UBE2E3: variants seen among roughly 807,000 people sequenced by gnomAD.
UBE2E3 encodes ubiquitin conjugating enzyme E2 E3.
Under a neutral mutation model 23.6 loss-of-function variants are expected in UBE2E3, and 5 were observed. The ratio of observed to expected loss-of-function variants is 0.21; its 90% CI spans 0.11 to 0.44. The LOEUF is 0.44. Among genes scored for constraint, UBE2E3 ranks in the 20% least tolerant of loss-of-function variants. The pLI, the probability that UBE2E3 is intolerant of heterozygous loss-of-function variation, is 0.99. For missense variants in UBE2E3, 81 were observed against 249.8 expected, an observed-to-expected ratio of 0.32 and a Z score of 4.55; for synonymous variants, 78 against 87.5, an observed-to-expected ratio of 0.89 and a Z score of 0.60.
chr2:181,019,074 G>A (rs1050618009), intron 3 of UBE2E3, among the ~76,000 whole-genome samples: 16 of 151,968 alleles, frequency 1.1e-4, no homozygotes, highest in Non-Finnish European at 1.5e-5. Context: ...AGCGATTCTC[G>A]TGCCTCAGTC....
intron 3 of UBE2E3, among the ~76,000 whole-genome samples, chr2:180,989,580 T>G (rs894338516): frequency 1.3e-5 from 2 of 152,162 alleles, no homozygotes; most frequent in Non-Finnish European, 2.9e-5. Flanking sequence ...CCTCCATACG[T>G]GCCAGTGTAG....
At chr2:181,062,266 T>C (rs1687180338) in intron 5 of UBE2E3, among the ~76,000 whole-genome samples, 1 of 151,678 alleles carries the variant, frequency 6.6e-6, no homozygotes, top group Non-Finnish European at 1.5e-5. Flanking sequence ...TAAAAATTTA[T>C]ATCAGGTTCA....
At chr2:181,045,103 G>A (rs1418028790) in intron 3 of UBE2E3, among the ~76,000 whole-genome samples, 1 of 152,134 alleles carries the variant, frequency 6.6e-6, no homozygotes, top group African/African-American at 2.4e-5. Context: ...GCATACAGCA[G>A]GAAGAGCTGA....
chr2:181,062,698 G>T, intron 5 of UBE2E3, 93 bp from the exon 6 acceptor site: 1 of 601,952 alleles, frequency 1.7e-6, no homozygotes. Context: ...AGATACTGCT[G>T]AAAAATAAGC....
At chr2:181,032,089 A>G (rs540582848) in intron 3 of UBE2E3, among the ~76,000 whole-genome samples, 2 of 152,188 alleles carry the variant, frequency 1.3e-5, no homozygotes, top group African/African-American at 4.8e-5. Flanking sequence ...CACTTTGCTG[A>G]GGTTTTCATT....
chr2:181,023,496 T>C (rs1685773209), intron 3 of UBE2E3, among the ~76,000 whole-genome samples: 1 of 152,180 alleles, frequency 6.6e-6, no homozygotes, highest in South Asian at 2.1e-4. Context: ...AGTTTGCTAC[T>C]TAAAGGAATC....
intron 3 of UBE2E3, chr2:180,990,180 A>G: frequency 3.7e-6 from 2 of 536,064 alleles, no homozygotes; most frequent in South Asian, 2.4e-5. Context: ...CCCAGCCACC[A>G]GGCTAGGCGA....
At chr2:181,030,743 C>T (rs1376463006) in intron 3 of UBE2E3, among the ~76,000 whole-genome samples, 1 of 150,872 alleles carries the variant, frequency 6.6e-6, no homozygotes. Flanking sequence ...CTACAAGTCC[C>T]ATCTCTATAT....
chr2:180,997,760 G>A (rs10180999), intron 3 of UBE2E3, among the ~76,000 whole-genome samples: 6,262 of 152,150 alleles, frequency 0.041, 185 homozygotes, highest in African/African-American at 0.075. Context: ...TAAAAGTTGG[G>A]TTTTCTAGAT....
intron 3 of UBE2E3, among the ~76,000 whole-genome samples, chr2:181,019,531 G>A (rs757735102): frequency 6.6e-6 from 1 of 152,156 alleles, no homozygotes; most frequent in Non-Finnish European, 1.5e-5. Flanking sequence ...GCATTTTGAA[G>A]GAATAATAGA....
chr2:181,035,610 G>A (rs1686245998), intron 3 of UBE2E3, among the ~76,000 whole-genome samples: 1 of 152,032 alleles, frequency 6.6e-6, no homozygotes, highest in South Asian at 2.1e-4. Context: ...ATGACCCGTG[G>A]GTCACATGCG....
At chr2:181,033,038 A>G (rs924598130) in intron 3 of UBE2E3, among the ~76,000 whole-genome samples, 3 of 152,210 alleles carry the variant, frequency 2.0e-5, no homozygotes, top group African/African-American at 7.2e-5. Flanking sequence ...GAGGACACAA[A>G]CAAATGGAAG....
chr2:180,981,953 A>G, intron 1 of UBE2E3, 65 bp from the exon 2 acceptor site: 4 of 1,223,120 alleles, frequency 3.3e-6, no homozygotes, highest in Non-Finnish European at 4.6e-6. Context: ...ACTAGAAGAA[A>G]ATGCTGTTGG....
At chr2:181,037,843 C>T (rs1686349983) in intron 3 of UBE2E3, among the ~76,000 whole-genome samples, 1 of 152,092 alleles carries the variant, frequency 6.6e-6, no homozygotes, top group African/African-American at 2.4e-5. Flanking sequence ...TGGCATATGC[C>T]TGTAGTCCCA....
intron 3 of UBE2E3, among the ~76,000 whole-genome samples, chr2:181,048,528 C>T (rs1686738137): frequency 6.6e-6 from 1 of 152,020 alleles, no homozygotes; most frequent in African/African-American, 2.4e-5. Flanking sequence ...ACACATTTAC[C>T]AAAACGAGGT....
chr2:181,018,600 T>TTG (rs1324153629), intron 3 of UBE2E3, among the ~76,000 whole-genome samples: 2 of 80,452 alleles, frequency 2.5e-5, no homozygotes, highest in Non-Finnish European at 5.9e-5. Context: ...ATTTCTGTGT[T>TTG]TTTTTTTTTT....
At chr2:181,048,605 T>C (rs1306349609) in intron 3 of UBE2E3, among the ~76,000 whole-genome samples, 1 of 151,994 alleles carries the variant, frequency 6.6e-6, no homozygotes, top group Non-Finnish European at 1.5e-5. Flanking sequence ...AGGTCTGCCC[T>C]TTTAGTTAGT....
rs1687205539 is a variant in UBE2E3, at chr2:181,063,099, TA to T, written c.*212del. The T allele has an allele frequency of 3.1e-6, 1 of 324,190 alleles. No individual in the cohort carries two copies. The highest frequency in any genetic ancestry group is 5.9e-6 in the Non-Finnish European group (1 of 170,752). 20.1% of individuals were successfully genotyped at this position (324,190 alleles called of 1,614,324 possible). A position where few individuals can be genotyped will look rare whatever the true frequency, so the allele number is the denominator to read the frequency against. On this transcript the variant is annotated 3_prime_UTR_variant, in exon 6 of 6. Transcript: ENST00000410062. The surrounding 1 kb of genome is among the most constrained non-coding windows in gnomAD (Gnocchi z 4.1). ...GTAGATTAGTTATGTTTAAAACGCC[TA>T]CTTGCAAGTCTTGCTTCTTTGGGAT...
At chr2:180,998,432 AATGGTCTTAGTTG>A (rs1443959889) in intron 3 of UBE2E3, among the ~76,000 whole-genome samples, 1 of 150,920 alleles carries the variant, frequency 6.6e-6, no homozygotes, top group African/African-American at 2.5e-5. Flanking sequence ...TACTGAGGCT[AATGGTCTTAGTTG>A]GGATAAGGAG....
Sources: gnomAD v4.1 joint callset for allele counts (sites outside exome capture counted in the v4.1 genomes callset) on GRCh38, gnomAD v4.1.1 for gene constraint, Gnocchi (gnomAD v3.1) non-coding constraint, MANE v1.5 for transcripts, NCBI Gene and HGNC (gene_info 2026-07-23, HGNC 2026-07-21) for gene names.